The following PCDHGA12 variants were observed in gnomAD, a reference collection of about 807,000 sequenced individuals.
PCDHGA12 encodes protocadherin gamma-A12.
PCDHGA12 carries 43 observed loss-of-function variants against 61.1 expected under a neutral mutation model. The ratio of observed to expected loss-of-function variants is 0.70; its 90% CI spans 0.55 to 0.91. The LOEUF (loss-of-function observed/expected upper bound fraction) is 0.91. Among genes scored for constraint, PCDHGA12 ranks in the 40% least tolerant of loss-of-function variants. The pLI, the probability that PCDHGA12 is intolerant of heterozygous loss-of-function variation, is 0.00. For synonymous variants in PCDHGA12, 520 were observed against 542.9 expected, an observed-to-expected ratio of 0.96 and a Z score of 0.59; for missense variants, 1,236 against 1,227.7, an observed-to-expected ratio of 1.01 and a Z score of -0.10.
intron 1 of PCDHGA12, among the ~76,000 whole-genome samples, chr5:141,461,733 C>G (rs930217307): frequency 2.0e-5 from 3 of 152,168 alleles, no homozygotes; most frequent in African/African-American, 2.4e-5. Context: ...TGCAGTGGCA[C>G]AATCCCGGCT....
intron 1 of PCDHGA12, chr5:141,478,778 C>A: frequency 6.7e-7 from 1 of 1,488,178 alleles, no homozygotes; most frequent in Non-Finnish European, 8.9e-7. Flanking sequence ...ATCTGTGGAC[C>A]TAATTCACAT....
chr5:141,485,033 T>C lies in PCDHGA12; in HGVS notation c.2425-9774T>C. 1 of 689,352 alleles carries C rather than the reference T, an allele frequency of 1.5e-6. No homozygotes were observed. The highest frequency in any genetic ancestry group is 2.5e-6 in the Non-Finnish European group (1 of 392,590). The allele number at this position is 689,352 out of a possible 1,614,324, so 42.7% of individuals were successfully genotyped here. On this transcript the variant is annotated intron_variant, in intron 1 of 3. Coordinates refer to ENST00000252085, the MANE Select transcript of PCDHGA12 (RefSeq NM_003735.3). This position sits in a 1 kb window ranked among gnomAD's most constrained non-coding sequence, Gnocchi z 5.7. ...CCCCGCCACCAGCAAAAACGGCGCG[T>C]AACCCTTGCGGCGCCGGCCGAACCG...
chr5:141,483,892 A>C (rs1463395859), intron 1 of PCDHGA12, among the ~76,000 whole-genome samples: 1 of 151,652 alleles, frequency 6.6e-6, no homozygotes, highest in Non-Finnish European at 1.5e-5. Flanking sequence ...TATTTCTCTG[A>C]GCTCTGGTGT....
In PCDHGA12 at chr5:141,431,304, T is replaced by G. The variant is rs749116196; in HGVS notation, c.545T>G (p.Val182Gly). The G allele has an allele frequency of 7.4e-6, 12 of 1,614,104 alleles. No individual in the cohort carries two copies. Among genetic ancestry groups the G allele is most frequent in the Non-Finnish European group, 9.3e-6 (11 of 1,180,030 alleles). The change falls in exon 1 of 4, where the codon GTG becomes GGG. Residue 182 changes from valine (V) to glycine (G), a missense_variant. Coordinates refer to ENST00000252085, the MANE Select transcript of PCDHGA12 (RefSeq NM_003735.3). The surrounding 1 kb of genome is among the most constrained non-coding windows in gnomAD (Gnocchi z 4.8). ...CCGAACACTCACTTCTCCCTCATCGTGCAAAATGGAGCCGACGGTAGTAAG... is the reference window on the plus strand; with the variant it reads ...CCGAACACTCACTTCTCCCTCATCGGGCAAAATGGAGCCGACGGTAGTAAG... ...LSPNTHFSLI[V>G]QNGADGSKYP...
At chr5:141,461,281 C>T (rs1305044383) in intron 1 of PCDHGA12, among the ~76,000 whole-genome samples, 1 of 152,050 alleles carries the variant, frequency 6.6e-6, no homozygotes, top group Non-Finnish European at 1.5e-5. Flanking sequence ...CTCTTTTCCC[C>T]ACATCCACAC....
chr5:141,480,970 A>C (rs1189003084), intron 1 of PCDHGA12, among the ~76,000 whole-genome samples: 1 of 152,120 alleles, frequency 6.6e-6, no homozygotes, highest in Non-Finnish European at 1.5e-5. Flanking sequence ...AGTGAGGGAG[A>C]ATCAGTGAAC....
chr5:141,487,905 G>C lies in PCDHGA12; in HGVS notation c.2425-6902G>C. The C allele has an allele frequency of 1.5e-6, 1 of 686,388 alleles. No individual in the cohort carries two copies. 42.5% of individuals were successfully genotyped at this position (686,388 alleles called of 1,614,324 possible). On this transcript the variant is annotated intron_variant, in intron 1 of 3. Transcript: ENST00000252085. This position sits in a 1 kb window ranked among gnomAD's most constrained non-coding sequence, Gnocchi z 5.0. ...GTGGAAGCATGATGATGGAATGTGG[G>C]AGCACAGGAGGCTACAGTGCACAGG...
At chr5:141,473,330 C>T (rs1431360397) in intron 1 of PCDHGA12, among the ~76,000 whole-genome samples, 2 of 152,208 alleles carry the variant, frequency 1.3e-5, no homozygotes, top group East Asian at 3.8e-4. Flanking sequence ...TAAGTGCCTG[C>T]TGTGCTAGAC....
In PCDHGA12 at chr5:141,432,782, C is replaced by A. The variant is rs547164205; in HGVS notation, c.2023C>A (p.Leu675Ile). 6.2e-7 allele frequency: 1 copy of A among 1,614,164 alleles called. No homozygotes were observed. Among genetic ancestry groups the A allele is most frequent in the African/African-American group, 1.3e-5 (1 of 75,052 alleles). ...CAGCATCCCCCAAGTCCTGGCGGAC[C>A]TCGGCAGCCTCGAGTCTCCAGCTAA... ...ADSIPQVLAD[L>I]GSLESPANSE... Residue 675 changes from leucine (L) to isoleucine (I), a missense_variant, in exon 1 of 4, where the codon CTC becomes ATC. Coordinates refer to ENST00000252085, the MANE Select transcript of PCDHGA12 (RefSeq NM_003735.3). This position sits in a 1 kb window ranked among gnomAD's most constrained non-coding sequence, Gnocchi z 6.0.
At position 141,431,413 on chromosome 5, in the gene PCDHGA12, C is replaced by A; in HGVS notation, c.654C>A (p.Gly218=). ...TGGTCCTTACGGCCTCCGACGGGGG[C>A]GACCCGGTGCGCACAGGCACCGCGC... ...HHLVLTASDG[G]DPVRTGTARI... The change falls in exon 1 of 4, where the codon GGC becomes GGA. Residue 218 remains glycine, a synonymous_variant. Transcript: ENST00000252085. This position sits in a 1 kb window ranked among gnomAD's most constrained non-coding sequence, Gnocchi z 4.8. The A allele has an allele frequency of 6.2e-7, 1 of 1,613,682 alleles. No homozygotes were observed. Among genetic ancestry groups the A allele is most frequent in the Non-Finnish European group, 8.5e-7 (1 of 1,180,044 alleles).
chr5:141,449,936 T>C (rs1016569958), intron 1 of PCDHGA12, among the ~76,000 whole-genome samples: 4 of 151,978 alleles, frequency 2.6e-5, no homozygotes, highest in African/African-American at 9.6e-5. Context: ...CCTTATAGTA[T>C]ATTTTACTAT....
At position 141,477,706 on chromosome 5, in the gene PCDHGA12, G is replaced by A. The variant is rs1490514142; in HGVS notation, c.2425-17101G>A. 6 of 1,613,988 alleles carry A rather than the reference G, an allele frequency of 3.7e-6. No homozygotes were observed. Among genetic ancestry groups the A allele is most frequent in the Non-Finnish European group, 5.1e-6 (6 of 1,180,044 alleles). ...TAGTGCCCCTAGACTATGAGGATCGGCGGGAATTTGAATTAACAGCTCATA... is the reference window on the plus strand; with the variant it reads ...TAGTGCCCCTAGACTATGAGGATCGACGGGAATTTGAATTAACAGCTCATA... On this transcript the variant is annotated intron_variant, in intron 1 of 3. Transcript: ENST00000252085. This position sits in a 1 kb window ranked among gnomAD's most constrained non-coding sequence, Gnocchi z 4.9.
chr5:141,506,025 A>T (rs2099850088), intron 3 of PCDHGA12, among the ~76,000 whole-genome samples: 1 of 152,150 alleles, frequency 6.6e-6, no homozygotes, highest in African/African-American at 2.4e-5. Context: ...CCCTAACTCC[A>T]GAGTAGGATT....
chr5:141,469,676 A>G (rs1227075639), intron 1 of PCDHGA12, among the ~76,000 whole-genome samples: 1 of 152,250 alleles, frequency 6.6e-6, no homozygotes, highest in African/African-American at 2.4e-5. Context: ...ATAAAACTAC[A>G]TATGCATTGG....
At position 141,430,897 on chromosome 5, in the gene PCDHGA12, C is replaced by T; in HGVS notation, c.138C>T (p.Gly46=). Residue 46 remains glycine, a synonymous_variant, in exon 1 of 4, where the codon GGC becomes GGT. Coordinates refer to ENST00000252085, the MANE Select transcript of PCDHGA12 (RefSeq NM_003735.3). ...AGCTGGAGAAAGGCTCTAGGGTGGG[C>T]GACATCTCCAGGGACCTGGGGCTGG... ...PEELEKGSRV[G]DISRDLGLEP... The T allele has an allele frequency of 6.2e-7, 1 of 1,605,442 alleles. No individual in the cohort carries two copies. Among genetic ancestry groups the T allele is most frequent in the Non-Finnish European group, 8.5e-7 (1 of 1,176,608 alleles).
At chr5:141,462,217 C>T (rs1469685983) in intron 1 of PCDHGA12, among the ~76,000 whole-genome samples, 1 of 152,216 alleles carries the variant, frequency 6.6e-6, no homozygotes, top group South Asian at 2.1e-4. Flanking sequence ...GCCTCGGCCT[C>T]CCAAAGTGCA....
chr5:141,482,763 T>TGC (rs2099571981), intron 1 of PCDHGA12, among the ~76,000 whole-genome samples: 1 of 127,550 alleles, frequency 7.8e-6, no homozygotes, highest in African/African-American at 3.6e-5. Flanking sequence ...GGTATTTCAT[T>TGC]ATCACTGAAC....
intron 1 of PCDHGA12, among the ~76,000 whole-genome samples, chr5:141,466,121 CA>C (rs908379481): frequency 4.8e-5 from 7 of 146,852 alleles, no homozygotes; most frequent in Non-Finnish European, 6.0e-5. Context: ...GACTCCAGCT[CA>C]AAAAAAAAAT....
intron 1 of PCDHGA12, among the ~76,000 whole-genome samples, chr5:141,483,613 C>A (rs2099583607): frequency 6.6e-6 from 1 of 151,914 alleles, no homozygotes; most frequent in South Asian, 2.1e-4. Context: ...ACACCTCCAT[C>A]ATTCCCATGG....
Sources: allele counts gnomAD v4.1 joint callset (sites outside exome capture counted in the v4.1 genomes callset), GRCh38; gene constraint gnomAD v4.1.1; non-coding constraint Gnocchi (gnomAD v3.1); transcripts MANE v1.5; gene names NCBI Gene and HGNC (gene_info 2026-07-23, HGNC 2026-07-21).